The following KCNIP1 variants were observed in gnomAD, a reference collection of about 807,000 sequenced individuals.
KCNIP1 encodes the protein A-type potassium channel modulatory protein KCNIP1.
In KCNIP1, 18 loss-of-function variants were observed where a neutral mutation model predicts 33.0. That is an observed-to-expected ratio of 0.55 (90% confidence interval 0.38 to 0.81). KCNIP1 has a LOEUF of 0.81. Among genes scored for constraint, KCNIP1 ranks in the 30% least tolerant of loss-of-function variants. KCNIP1 has a pLI of 0.00. For synonymous variants in KCNIP1, 93 were observed against 98.3 expected, an observed-to-expected ratio of 0.95 and a Z score of 0.32; for missense variants, 238 against 271.6, an observed-to-expected ratio of 0.88 and a Z score of 0.87.
intron 1 of KCNIP1, among the ~76,000 whole-genome samples, chr5:170,442,149 C>T (rs1475592795): frequency 2.6e-5 from 4 of 152,018 alleles, no homozygotes; most frequent in African/African-American, 4.8e-5. Flanking sequence ...AGACGGTGCA[C>T]CCTGGAGTCA....
rs1435077103 is a variant in KCNIP1, at chr5:170,439,945, G to C, written c.88+85981G>C. Reference sequence around the variant, plus strand: ...ACAGGCGGCCATCCCCGTGCCACAGGCTGAGTTCTGTCTTCCCCAAACTCA... The same window carrying C: ...ACAGGCGGCCATCCCCGTGCCACAGCCTGAGTTCTGTCTTCCCCAAACTCA... On this transcript the variant is annotated intron_variant, in intron 1 of 7. Coordinates refer to the KCNIP1 transcript ENST00000377360. Among the ~76,000 whole-genome samples, 3 of 152,322 alleles carry C rather than the reference G, an allele frequency of 2.0e-5. No individual in the cohort carries two copies. In the East Asian group the frequency reaches 5.8e-4, roughly 29 times the overall value.
At chr5:170,397,304 T>A (rs561485078) in intron 1 of KCNIP1, among the ~76,000 whole-genome samples, 2 of 152,188 alleles carry the variant, frequency 1.3e-5, no homozygotes, top group Admixed American at 1.3e-4. Context: ...TTTGGTTGAA[T>A]CCAACTGGTA....
chr5:170,450,162 CAAGT>C (rs1478512077), intron 1 of KCNIP1, among the ~76,000 whole-genome samples: 1 of 145,828 alleles, frequency 6.9e-6, no homozygotes, highest in African/African-American at 2.5e-5. Context: ...TAATTACCCA[CAAGT>C]GTGTTGACTC....
chr5:170,529,878 A>G (rs1269892091), intron 1 of KCNIP1, among the ~76,000 whole-genome samples: 1 of 152,164 alleles, frequency 6.6e-6, no homozygotes, highest in East Asian at 1.9e-4. Context: ...TTCCCCGAGA[A>G]TGTCTCCCCA....
chr5:170,364,054 G>C (rs956406905), intron 1 of KCNIP1, among the ~76,000 whole-genome samples: 6 of 148,784 alleles, frequency 4.0e-5, no homozygotes, highest in African/African-American at 1.5e-4. Flanking sequence ...AAGCTGGAGT[G>C]CAGTGCTGTC....
intron 1 of KCNIP1, among the ~76,000 whole-genome samples, chr5:170,421,519 T>C (rs1755492457): frequency 1.3e-5 from 2 of 152,196 alleles, no homozygotes; most frequent in Non-Finnish European, 2.9e-5. Flanking sequence ...AGAGTTGGTG[T>C]CTGGTGGGAG....
intron 1 of KCNIP1, among the ~76,000 whole-genome samples, chr5:170,522,719 G>A (rs1471453523): frequency 6.6e-6 from 1 of 152,232 alleles, no homozygotes; most frequent in Non-Finnish European, 1.5e-5. Flanking sequence ...TGGCATTTGG[G>A]AGCCACATCC....
At chr5:170,449,018 G>A (rs1225529769) in intron 1 of KCNIP1, among the ~76,000 whole-genome samples, 1 of 152,184 alleles carries the variant, frequency 6.6e-6, no homozygotes, top group Admixed American at 6.5e-5. Context: ...AATTCTCCTT[G>A]TGGGTTAACA....
At chr5:170,627,858 C>T (rs1017921616) in intron 1 of KCNIP1, among the ~76,000 whole-genome samples, 2 of 152,190 alleles carry the variant, frequency 1.3e-5, no homozygotes, top group African/African-American at 4.8e-5. Context: ...TGGGGCTCCC[C>T]TTGATCCCAA....
intron 2 of KCNIP1, 98 bp downstream of exon 2, chr5:170,718,980 T>A (rs1224749429): frequency 6.7e-7 from 1 of 1,481,958 alleles, no homozygotes; most frequent in Admixed American, 2.3e-5. Flanking sequence ...TTCCCATATG[T>A]GAGGCTGTAC....
intron 1 of KCNIP1, among the ~76,000 whole-genome samples, chr5:170,651,864 T>C (rs1761057408): frequency 6.6e-6 from 1 of 152,230 alleles, no homozygotes; most frequent in African/African-American, 2.4e-5. Flanking sequence ...TTGTCTAAGA[T>C]ATATATCGTA....
intron 1 of KCNIP1, among the ~76,000 whole-genome samples, chr5:170,413,126 C>T (rs960262345): frequency 5.3e-5 from 8 of 152,172 alleles, no homozygotes; most frequent in South Asian, 2.1e-4. Flanking sequence ...GTGGGTAAAT[C>T]GGCGAGTGTG....
At chr5:170,511,734 T>C (rs1159472379) in intron 1 of KCNIP1, among the ~76,000 whole-genome samples, 5 of 152,200 alleles carry the variant, frequency 3.3e-5, no homozygotes, top group Non-Finnish European at 2.9e-5. Context: ...TTGAGGAACC[T>C]GAGGCTCTAA....
At chr5:170,367,433 A>AG (rs1763720879) in intron 1 of KCNIP1, among the ~76,000 whole-genome samples, 2 of 149,066 alleles carry the variant, frequency 1.3e-5, no homozygotes, top group South Asian at 4.2e-4. Flanking sequence ...AAAGAAAGAA[A>AG]GAAAGGAAAG....
intron 1 of KCNIP1, among the ~76,000 whole-genome samples, chr5:170,442,558 G>A (rs1317592547): frequency 6.6e-6 from 1 of 152,174 alleles, no homozygotes; most frequent in East Asian, 1.9e-4. Context: ...TTCTAGCTCC[G>A]CCCTGCCCTG....
chr5:170,586,352 T>C (rs1296065941), intron 1 of KCNIP1, among the ~76,000 whole-genome samples: 2 of 152,164 alleles, frequency 1.3e-5, no homozygotes, highest in African/African-American at 2.4e-5. Flanking sequence ...ATTGAGATGA[T>C]GGTGACGATG....
At chr5:170,368,722 C>G (rs1356559986) in intron 1 of KCNIP1, among the ~76,000 whole-genome samples, 1 of 152,242 alleles carries the variant, frequency 6.6e-6, no homozygotes, top group Non-Finnish European at 1.5e-5. Context: ...ACTGGCATAT[C>G]ACTGGCTGTT....
chr5:170,511,092 C>G (rs139707769), intron 1 of KCNIP1, among the ~76,000 whole-genome samples: 2 of 152,124 alleles, frequency 1.3e-5, no homozygotes, highest in Non-Finnish European at 2.9e-5. Context: ...TCCTGTAATC[C>G]CAGTCACTCA....
intron 1 of KCNIP1, among the ~76,000 whole-genome samples, chr5:170,606,768 C>T (rs1169297956): frequency 2.0e-5 from 3 of 152,222 alleles, no homozygotes; most frequent in Non-Finnish European, 4.4e-5. Context: ...CACAGCCGTC[C>T]CTGCAGTGTC....
Sources: gnomAD v4.1 joint callset for allele counts (sites outside exome capture counted in the v4.1 genomes callset) on GRCh38, gnomAD v4.1.1 for gene constraint, MANE v1.5 for transcripts, NCBI Gene and HGNC (gene_info 2026-07-23, HGNC 2026-07-21) for gene names.